The following NSRP1 variants were observed in gnomAD, a reference collection of about 807,000 sequenced individuals.
The protein encoded by NSRP1 is nuclear speckle splicing regulatory protein 1, also known as coiled-coil domain containing 55.
In NSRP1, 24 loss-of-function variants were observed where a neutral mutation model predicts 54.7. That is an observed-to-expected ratio of 0.44 (90% confidence interval 0.32 to 0.62). The LOEUF is 0.62. Among genes scored for constraint, NSRP1 ranks in the 20% least tolerant of loss-of-function variants. The pLI, the probability that NSRP1 is intolerant of heterozygous loss-of-function variation, is 0.06. For synonymous variants in NSRP1, 210 were observed against 213.8 expected (o/e 0.98, Z 0.15); for missense variants, 596 against 651.2 (o/e 0.92, Z 0.92).
chr17:30,184,686 A>G lies in NSRP1; in HGVS notation c.689A>G (p.Glu230Gly), dbSNP rs913173935. 6.2e-7 allele frequency: 1 copy of G among 1,611,934 alleles called. No individual in the cohort carries two copies. Among genetic ancestry groups the G allele is most frequent in the Non-Finnish European group, 8.5e-7 (1 of 1,179,286 alleles). The change falls in exon 7 of 7, where the codon GAG becomes GGG. Residue 230 changes from glutamate to glycine, a missense_variant. Physicochemically the swap from Glu to Gly is moderately conservative, Grantham distance 98. Coordinates refer to ENST00000247026, the MANE Select transcript of NSRP1 (RefSeq NM_032141.4). ...EVSSKNRIPQ[E>G]KCILQTDVKV... is the part of the protein sequence containing the mutation. ...AGTTCAAAAAACAGAATACCACAAG[A>G]GAAATGCATTCTTCAAACTGATGTG...
At chr17:30,133,931 CTGTT>C (rs760611648) in intron 2 of NSRP1, among the ~76,000 whole-genome samples, 55 of 152,322 alleles carry the variant, frequency 3.6e-4, no homozygotes, top group Non-Finnish European at 4.4e-4. Flanking sequence ...CAGAACTTGA[CTGTT>C]TGACTGCAAG....
At chr17:30,140,750 G>A (rs539698156) in intron 2 of NSRP1, among the ~76,000 whole-genome samples, 2 of 151,884 alleles carry the variant, frequency 1.3e-5, no homozygotes, top group South Asian at 2.1e-4. Context: ...GGCTGGTCTC[G>A]AACTCCTGAC....
At chr17:30,176,764 G>A (rs1436236173) in intron 3 of NSRP1, among the ~76,000 whole-genome samples, 1 of 152,056 alleles carries the variant, frequency 6.6e-6, no homozygotes, top group African/African-American at 2.4e-5. Flanking sequence ...CATCTAGGCA[G>A]GAGAATCTTT....
At chr17:30,130,362 G>A (rs530922229) in intron 2 of NSRP1, among the ~76,000 whole-genome samples, 1 of 152,160 alleles carries the variant, frequency 6.6e-6, no homozygotes, top group South Asian at 2.1e-4. Flanking sequence ...GCCTCTCAAA[G>A]TACTGGGATT....
At chr17:30,164,910 G>A (rs1348458970) in intron 2 of NSRP1, among the ~76,000 whole-genome samples, 2 of 152,158 alleles carry the variant, frequency 1.3e-5, no homozygotes, top group African/African-American at 4.8e-5. Context: ...TTTGAAATGA[G>A]TCAATGACTT....
At chr17:30,118,019 ATG>A in intron 1 of NSRP1, 59 bp from the exon 2 acceptor site, 2 of 1,254,254 alleles carry the variant, frequency 1.6e-6, no homozygotes, top group Non-Finnish European at 2.3e-6. Context: ...GAGGTAGTAG[ATG>A]TATTTGTTAA....
chr17:30,182,866 G>A (rs963187222), intron 6 of NSRP1, among the ~76,000 whole-genome samples: 53 of 152,054 alleles, frequency 3.5e-4, no homozygotes, highest in Admixed American at 3.0e-3. Flanking sequence ...CACAGGAGGC[G>A]GAGGTTGCAG....
Position 30,153,824 on chromosome 17 carries a change from A to G in NSRP1, c.115-18718A>G, listed in dbSNP as rs111541034. ...CCAGTTTAGTCTTAGAGGCTGTTTT[A>G]GCTTAAGTAAAATTTAAAAATTAGT... On this transcript the variant is annotated intron_variant, in intron 2 of 6. Transcript: ENST00000247026. 2.7e-3 allele frequency among the ~76,000 whole-genome samples: 410 copies of G among 152,270 alleles called. 1 individual carries two copies. The highest frequency in any genetic ancestry group is 4.8e-3 in the Non-Finnish European group (325 of 68,018).
intron 6 of NSRP1, 85 bp from the exon 7 acceptor site, chr17:30,184,530 T>A (rs1405158411): frequency 2.1e-5 from 31 of 1,460,458 alleles, no homozygotes; most frequent in Non-Finnish European, 2.7e-5. Context: ...TGAGTATTGA[T>A]AAAAATTATA....
chr17:30,182,340 T>G (rs1265993678), intron 6 of NSRP1, among the ~76,000 whole-genome samples: 1 of 152,190 alleles, frequency 6.6e-6, no homozygotes, highest in Non-Finnish European at 1.5e-5. Flanking sequence ...GCTACTTAAA[T>G]TAATTTAAAG....
chr17:30,118,023 ATTTG>A, intron 1 of NSRP1, 53 bp from the exon 2 acceptor site: 1 of 1,341,726 alleles, frequency 7.5e-7, no homozygotes, highest in Non-Finnish European at 1.1e-6. Context: ...TAGTAGATGT[ATTTG>A]TTAACATTTA....
chr17:30,117,236 T>C (rs8067576), intron 1 of NSRP1: 1 of 614,534 alleles, frequency 1.6e-6, no homozygotes. Context: ...CCTGGCTTCC[T>C]TAGAGGGCCT....
intron 2 of NSRP1, among the ~76,000 whole-genome samples, chr17:30,135,452 T>A (rs1367361949): frequency 2.0e-5 from 3 of 149,940 alleles, no homozygotes; most frequent in Non-Finnish European, 4.4e-5. Flanking sequence ...AGGTAGGGTG[T>A]TGTTGGCACC....
At chr17:30,125,143 T>C (rs1408275607) in intron 2 of NSRP1, among the ~76,000 whole-genome samples, 1 of 152,064 alleles carries the variant, frequency 6.6e-6, no homozygotes, top group East Asian at 1.9e-4. Flanking sequence ...TTGAGTGAGC[T>C]GATATCAAGC....
chr17:30,128,542 A>AT (rs1266406829), intron 2 of NSRP1, among the ~76,000 whole-genome samples: 1 of 152,200 alleles, frequency 6.6e-6, no homozygotes, highest in African/African-American at 2.4e-5. Flanking sequence ...AATTCCAAAA[A>AT]TTAGTATAAA....
At chr17:30,167,697 A>G (rs1265691840) in intron 2 of NSRP1, among the ~76,000 whole-genome samples, 1 of 152,200 alleles carries the variant, frequency 6.6e-6, no homozygotes, top group Admixed American at 6.5e-5. Context: ...GATATTTGTT[A>G]AAAAGAAAAA....
intron 3 of NSRP1, among the ~76,000 whole-genome samples, chr17:30,177,118 C>T (rs1567806327): frequency 6.6e-6 from 1 of 152,112 alleles, no homozygotes; most frequent in Admixed American, 6.5e-5. Flanking sequence ...CATGTAATTC[C>T]AGCACTTTGG....
chr17:30,167,697 A>C (rs1265691840), intron 2 of NSRP1, among the ~76,000 whole-genome samples: 1 of 152,200 alleles, frequency 6.6e-6, no homozygotes, highest in Non-Finnish European at 1.5e-5. Context: ...GATATTTGTT[A>C]AAAAGAAAAA....
chr17:30,163,558 T>C (rs1319934140), intron 2 of NSRP1, among the ~76,000 whole-genome samples: 1 of 152,024 alleles, frequency 6.6e-6, no homozygotes, highest in Non-Finnish European at 1.5e-5. Flanking sequence ...ATGAAGCAAA[T>C]ATTAGATTGA....
Sources: gnomAD v4.1 joint callset for allele counts (sites outside exome capture counted in the v4.1 genomes callset) on GRCh38, gnomAD v4.1.1 for gene constraint, MANE v1.5 for transcripts, NCBI Gene and HGNC (gene_info 2026-07-23, HGNC 2026-07-21) for gene names.